The following NBEA variants were observed in gnomAD, a reference collection of about 807,000 sequenced individuals.
The protein encoded by NBEA is neurobeachin.
Under a neutral mutation model 343.4 loss-of-function variants are expected in NBEA, and 44 were observed. The ratio of observed to expected loss-of-function variants is 0.13; its 90% CI spans 0.10 to 0.16. The LOEUF (loss-of-function observed/expected upper bound fraction) is 0.16, where lower values mean the gene tolerates loss of function less well. Among genes scored for constraint, NBEA ranks in the 10% least tolerant of loss-of-function variants. The pLI is 1.00. For synonymous variants in NBEA, 1,175 were observed against 1,238.7 expected, an observed-to-expected ratio of 0.95 and a Z score of 1.08; for missense variants, 2,555 against 3,631.3, an observed-to-expected ratio of 0.70 and a Z score of 7.62.
At chr13:35,655,058 T>C (rs1459841293) in intron 54 of NBEA, 48 bp downstream of exon 54, 2 of 1,362,916 alleles carry the variant, frequency 1.5e-6, no homozygotes, top group Non-Finnish European at 1.9e-6. Context: ...TGACTATTGT[T>C]AAAACCAAAG....
chr13:35,189,217 C>T (rs1234467083), intron 30 of NBEA, among the ~76,000 whole-genome samples: 1 of 152,062 alleles, frequency 6.6e-6, no homozygotes, highest in Non-Finnish European at 1.5e-5. Context: ...CTGCACCTGG[C>T]CACATTTTCA....
chr13:35,663,506 T>G (rs768548199), intron 55 of NBEA, among the ~76,000 whole-genome samples: 7 of 152,318 alleles, frequency 4.6e-5, no homozygotes, highest in Non-Finnish European at 4.4e-5. Context: ...TTTCTTTATC[T>G]TTTCATTATT....
intron 41 of NBEA, among the ~76,000 whole-genome samples, chr13:35,490,188 T>C (rs1029520678): frequency 6.6e-6 from 1 of 151,930 alleles, no homozygotes; most frequent in Non-Finnish European, 1.5e-5. Context: ...AGCCTTATAC[T>C]CAGTAAATAA....
intron 17 of NBEA, among the ~76,000 whole-genome samples, chr13:35,133,413 C>G (rs1490929265): frequency 6.6e-6 from 1 of 152,010 alleles, no homozygotes; most frequent in African/African-American, 2.4e-5. Flanking sequence ...TATACTGGTA[C>G]AATCACATTG....
intron 45 of NBEA, among the ~76,000 whole-genome samples, chr13:35,577,509 G>A (rs1019329164): frequency 6.6e-6 from 1 of 151,986 alleles, no homozygotes; most frequent in Non-Finnish European, 1.5e-5. Context: ...TAATTAGATT[G>A]TTCATTAGCT....
intron 34 of NBEA, among the ~76,000 whole-genome samples, chr13:35,237,551 A>T (rs1032251997): frequency 6.6e-6 from 1 of 152,210 alleles, no homozygotes; most frequent in African/African-American, 2.4e-5. Context: ...GGACATTTAC[A>T]TGATAAAAAC....
intron 41 of NBEA, among the ~76,000 whole-genome samples, chr13:35,524,704 C>T (rs1436940065): frequency 6.6e-6 from 1 of 152,124 alleles, no homozygotes; most frequent in African/African-American, 2.4e-5. Flanking sequence ...TAACATTAAA[C>T]TAGAACATGT....
intron 10 of NBEA, among the ~76,000 whole-genome samples, chr13:35,089,936 G>A (rs1444178488): frequency 2.7e-5 from 4 of 146,060 alleles, no homozygotes; most frequent in African/African-American, 5.0e-5. Context: ...GGGAGGGATA[G>A]CATTGGGAGA....
intron 25 of NBEA, chr13:35,170,951 A>G (rs193202600): frequency 1.6e-5 from 4 of 253,902 alleles, no homozygotes; most frequent in South Asian, 9.8e-5. Flanking sequence ...CAAAACTAGT[A>G]TAAGTACATA....
chr13:35,538,830 C>T (rs1019866720), intron 41 of NBEA, among the ~76,000 whole-genome samples: 1 of 152,216 alleles, frequency 6.6e-6, no homozygotes, highest in Non-Finnish European at 1.5e-5. Flanking sequence ...ATTAGAGATG[C>T]TCAAGGTGTA....
At chr13:35,444,588 T>C (rs1404116981) in intron 39 of NBEA, among the ~76,000 whole-genome samples, 1 of 152,054 alleles carries the variant, frequency 6.6e-6, no homozygotes, top group Non-Finnish European at 1.5e-5. Context: ...GTTCAACAGA[T>C]TCCTGAATGT....
intron 25 of NBEA, 134 bp downstream of exon 25, chr13:35,169,129 TAAAAGAGTCATTG>T (rs2070268398): frequency 7.1e-6 from 4 of 565,856 alleles, no homozygotes; most frequent in Admixed American, 7.4e-5. Context: ...TTTGTATATT[TAAAAGAGTCATTG>T]AAAGGATTAT....
At chr13:35,359,065 A>G (rs1171271553) in intron 38 of NBEA, among the ~76,000 whole-genome samples, 2 of 152,212 alleles carry the variant, frequency 1.3e-5, no homozygotes, top group Admixed American at 6.5e-5. Flanking sequence ...GTCCTGTTCA[A>G]TCACGTTAAG....
intron 34 of NBEA, among the ~76,000 whole-genome samples, chr13:35,261,794 G>A (rs1480661466): frequency 2.0e-5 from 3 of 152,124 alleles, no homozygotes; most frequent in Non-Finnish European, 4.4e-5. Flanking sequence ...CATGGAATTG[G>A]AGTTCAAGGA....
chr13:35,541,045 C>G (rs1003874672), intron 41 of NBEA, among the ~76,000 whole-genome samples: 3 of 152,148 alleles, frequency 2.0e-5, no homozygotes, highest in African/African-American at 7.2e-5. Flanking sequence ...CCATTATTCT[C>G]AGACCAGAGT....
chr13:35,388,943 C>G (rs1234910940), intron 38 of NBEA, among the ~76,000 whole-genome samples: 1 of 148,636 alleles, frequency 6.7e-6, no homozygotes, highest in Admixed American at 6.8e-5. Flanking sequence ...GTGGAAACCC[C>G]TACCTATATT....
chr13:35,604,147 T>A (rs2082181958), intron 47 of NBEA, among the ~76,000 whole-genome samples: 1 of 152,198 alleles, frequency 6.6e-6, no homozygotes, highest in African/African-American at 2.4e-5. Context: ...TCATTGCTGA[T>A]AGAATAGTCA....
intron 34 of NBEA, among the ~76,000 whole-genome samples, chr13:35,266,334 G>A (rs2033673703): frequency 6.6e-6 from 1 of 151,708 alleles, no homozygotes; most frequent in Non-Finnish European, 1.5e-5. Flanking sequence ...TTTTTCTACT[G>A]GGTATGTATC....
intron 48 of NBEA, among the ~76,000 whole-genome samples, chr13:35,626,938 A>G (rs1308770835): frequency 2.6e-5 from 4 of 152,060 alleles, no homozygotes; most frequent in African/African-American, 9.7e-5. Flanking sequence ...GTGTAGATGA[A>G]ATACAAAAAA....
Sources: gnomAD v4.1 joint callset for allele counts (sites outside exome capture counted in the v4.1 genomes callset) on GRCh38, gnomAD v4.1.1 for gene constraint, MANE v1.5 for transcripts, NCBI Gene and HGNC (gene_info 2026-07-23, HGNC 2026-07-21) for gene names.